The following TAF15 variants were observed in gnomAD, a reference collection of about 807,000 sequenced individuals.
TAF15 encodes TATA-box binding protein associated factor 15.
Under a neutral mutation model 102.5 loss-of-function variants are expected in TAF15, and 37 were observed. The ratio of observed to expected loss-of-function variants is 0.36; its 90% CI spans 0.28 to 0.47. The LOEUF is 0.47. Ranked by LOEUF, TAF15 falls within the 20% of genes least tolerant of loss-of-function variation. The pLI, the probability that TAF15 is intolerant of heterozygous loss-of-function variation, is 0.99. For missense variants in TAF15, 652 were observed against 760.7 expected, an observed-to-expected ratio of 0.86 and a Z score of 1.68; for synonymous variants, 273 against 259.2, an observed-to-expected ratio of 1.05 and a Z score of -0.51.
chr17:35,821,855 CTG>C (rs1189635784), intron 5 of TAF15, among the ~76,000 whole-genome samples: 9 of 151,950 alleles, frequency 5.9e-5, no homozygotes, highest in Admixed American at 4.6e-4. Flanking sequence ...GTTTAGAAGA[CTG>C]TACTATAGGT....
Position 35,844,074 on chromosome 17 carries a change from T to G in TAF15, c.1007-3T>G, listed in dbSNP as rs777368476. ...TTTTTCTCCCCTGGCCCCATCCCCC[T>G]AGGCCGTGGAGGATATAGAGGTCGT... On this transcript the variant is annotated splice_polypyrimidine_tract_variant and splice_region_variant and intron_variant, in intron 12 of 15. Coordinates refer to ENST00000605844, the MANE Select transcript of TAF15 (RefSeq NM_139215.3). 1.2e-6 allele frequency: 2 copies of G among 1,614,032 alleles called. No homozygotes were observed. The highest frequency in any genetic ancestry group is 3.3e-5 in the Admixed American group (2 of 60,024).
At chr17:35,817,814 A>C (rs1168751428) in intron 2 of TAF15, 59 bp downstream of exon 2, 1 of 1,469,854 alleles carries the variant, frequency 6.8e-7, no homozygotes, top group Non-Finnish European at 9.5e-7. Context: ...AATTTTGTCA[A>C]GCTTCTTCTC....
chr17:35,827,393 T>G (rs147125691), intron 7 of TAF15, among the ~76,000 whole-genome samples: 1 of 149,810 alleles, frequency 6.7e-6, no homozygotes, highest in East Asian at 2.0e-4. Flanking sequence ...CTGGCATTAG[T>G]TGGGTTTATA....
chr17:35,814,682 A>C (rs939757369), intron 1 of TAF15, among the ~76,000 whole-genome samples: 8 of 151,862 alleles, frequency 5.3e-5, no homozygotes, highest in Non-Finnish European at 1.2e-4. Flanking sequence ...GTGAAACTCC[A>C]TCTCTATTAA....
chr17:35,811,743 C>T (rs1250019528), intron 1 of TAF15, among the ~76,000 whole-genome samples: 1 of 152,198 alleles, frequency 6.6e-6, no homozygotes, highest in African/African-American at 2.4e-5. Flanking sequence ...AAGTCAGAGT[C>T]TAACATTCAA....
chr17:35,822,112 C>T (rs566330051), intron 5 of TAF15, among the ~76,000 whole-genome samples: 2 of 151,662 alleles, frequency 1.3e-5, no homozygotes, highest in East Asian at 3.9e-4. Flanking sequence ...GAGGCCGAGA[C>T]GGGTGGATCA....
intron 6 of TAF15, 81 bp downstream of exon 6, chr17:35,822,914 G>A: frequency 6.5e-7 from 1 of 1,534,154 alleles, no homozygotes. Flanking sequence ...GAACCACAGA[G>A]GATTTCACCT....
chr17:35,825,277 C>T (rs943651026), intron 7 of TAF15, among the ~76,000 whole-genome samples: 9 of 152,158 alleles, frequency 5.9e-5, no homozygotes, highest in Non-Finnish European at 1.3e-4. Flanking sequence ...TGTTATAAGA[C>T]TTGGACATTA....
At chr17:35,811,837 T>G (rs1240024833) in intron 1 of TAF15, among the ~76,000 whole-genome samples, 2 of 152,178 alleles carry the variant, frequency 1.3e-5, no homozygotes, top group East Asian at 1.9e-4. Context: ...CAAGATAACT[T>G]CTCATTCTGG....
intron 2 of TAF15, among the ~76,000 whole-genome samples, chr17:35,818,033 T>A (rs2087215086): frequency 6.6e-6 from 1 of 152,152 alleles, no homozygotes; most frequent in Admixed American, 6.5e-5. Context: ...GCGATCCTCC[T>A]GCCTCAGTCT....
intron 7 of TAF15, among the ~76,000 whole-genome samples, chr17:35,831,393 C>G (rs1457424691): frequency 7.1e-6 from 1 of 140,176 alleles, no homozygotes. Context: ...GGCGACAGAG[C>G]AAGACTCCGT....
intron 1 of TAF15, chr17:35,811,176 T>C (rs2087120523): frequency 6.6e-6 from 1 of 152,232 alleles, no homozygotes; most frequent in Admixed American, 6.5e-5. Context: ...TCTTGATCTT[T>C]AACATAATTA....
intron 7 of TAF15, among the ~76,000 whole-genome samples, chr17:35,828,937 C>T (rs1034129550): frequency 6.6e-6 from 1 of 152,148 alleles, no homozygotes; most frequent in African/African-American, 2.4e-5. Flanking sequence ...TTGGACAGTG[C>T]AGCTCTAGAA....
chr17:35,844,469 C>T lies in TAF15; in HGVS notation c.1178-8C>T. ...GCTGGCCTCATTGTTTGCATTTCTA[C>T]CTTGCAGATTTCCGGGGGAGAGGCT... On this transcript the variant is annotated splice_polypyrimidine_tract_variant and splice_region_variant and intron_variant, in intron 14 of 15. Transcript: ENST00000605844. 1 of 1,613,570 alleles carries T rather than the reference C, an allele frequency of 6.2e-7. No individual in the cohort carries two copies. The highest frequency in any genetic ancestry group is 8.5e-7 in the Non-Finnish European group (1 of 1,179,724).
Position 35,844,861 on chromosome 17 carries a change from G to T in TAF15, c.1562G>T (p.Gly521Val). Residue 521 changes from glycine to valine, a missense_variant, in exon 15 of 16, where the codon GGC becomes GTC. By Grantham distance (109) the Gly-to-Val change is moderately radical. Transcript: ENST00000605844. Reference sequence around the variant, plus strand: ...GGAGGTTATGGAGGAGATCGAGGAGGCTATGGAGGAGACAGAAGCCGGGGG... The same window carrying T: ...GGAGGTTATGGAGGAGATCGAGGAGTCTATGGAGGAGACAGAAGCCGGGGG... Reference protein sequence around the residue: ...DRGGYGGDRGGYGGDRSRGGY... With the variant: ...DRGGYGGDRGVYGGDRSRGGY... 2 of 1,612,376 alleles carry T rather than the reference G, an allele frequency of 1.2e-6. No homozygotes were observed. Among genetic ancestry groups the T allele is most frequent in the East Asian group, 2.2e-5 (1 of 44,820 alleles).
At chr17:35,813,518 C>A (rs1410203827) in intron 1 of TAF15, among the ~76,000 whole-genome samples, 2 of 151,988 alleles carry the variant, frequency 1.3e-5, no homozygotes, top group East Asian at 1.9e-4. Flanking sequence ...CATGTGTAAT[C>A]CCAGCTACTC....
Position 35,817,743 on chromosome 17 carries a change from G to A in TAF15, c.35G>A (p.Gly12Asp). ...SDSGSYGQSG[G>D]EQQSYSTYGN... is the part of the protein sequence containing the mutation. ...TCTGGAAGTTACGGTCAGTCTGGGG[G>A]TGAGCAGCAAAGGTAAAGTATACAT... The change falls in exon 2 of 16, where the codon GGT (glycine) becomes GAT (aspartate). Residue 12 changes from glycine to aspartate, a missense_variant. By Grantham distance (94) the Gly-to-Asp change is moderately conservative. This residue lies in a region of TAF15 where 243 missense variants were observed against 284.1 expected (regional missense o/e 0.86). Coordinates refer to ENST00000605844, the MANE Select transcript of TAF15 (RefSeq NM_139215.3). The A allele has an allele frequency of 6.2e-7, 1 of 1,613,588 alleles. No individual in the cohort carries two copies. The highest frequency in any genetic ancestry group is 8.5e-7 in the Non-Finnish European group (1 of 1,179,516).
intron 2 of TAF15, among the ~76,000 whole-genome samples, chr17:35,818,905 C>CAG (rs1056720426): frequency 7.3e-5 from 11 of 151,688 alleles, no homozygotes; most frequent in African/African-American, 2.7e-4. Context: ...TGTGTTTTTT[C>CAG]AGAGCACATT....
intron 5 of TAF15, among the ~76,000 whole-genome samples, chr17:35,821,563 TA>T (rs4251741): frequency 0.16 from 24,358 of 152,096 alleles, 2,174 homozygotes; most frequent in East Asian, 0.33. Flanking sequence ...GAATAAAATG[TA>T]AACTATTAAG....
Sources: gnomAD v4.1 joint callset for allele counts (sites outside exome capture counted in the v4.1 genomes callset) on GRCh38, gnomAD v4.1.1 for gene constraint, gnomAD v4.1.1 regional missense constraint, MANE v1.5 for transcripts, NCBI Gene and HGNC (gene_info 2026-07-23, HGNC 2026-07-21) for gene names.